SIK3: variants seen among roughly 807,000 people sequenced by gnomAD.
SIK3 encodes SIK family kinase 3, also known as serine/threonine-protein kinase SIK3.
In SIK3, 28 loss-of-function variants were observed where a neutral mutation model predicts 144.2. That is an observed-to-expected ratio of 0.19 (90% CI 0.14 to 0.27). The LOEUF is 0.27. Among genes scored for constraint, SIK3 ranks in the 10% least tolerant of loss-of-function variants. The pLI is 1.00. For missense variants in SIK3, 1,319 were observed against 1,776.0 expected (o/e 0.74, Z 4.62); for synonymous variants, 686 against 676.3 (o/e 1.01, Z -0.22).
At chr11:117,022,870 T>C (rs935433494) in intron 1 of SIK3, among the ~76,000 whole-genome samples, 5 of 151,354 alleles carry the variant, frequency 3.3e-5, no homozygotes, top group African/African-American at 1.2e-4. Flanking sequence ...AAGTAACTAA[T>C]ATTGTAAGTG....
intron 1 of SIK3, among the ~76,000 whole-genome samples, chr11:117,023,350 G>A (rs534250850): frequency 6.0e-5 from 9 of 151,162 alleles, no homozygotes; most frequent in African/African-American, 2.2e-4. Flanking sequence ...TCCCTTCCCC[G>A]AGTTTTCATT....
rs57524562 is a variant in SIK3 at position 117,031,687 on chromosome 11, ATTTTTTTTTTTT to A, written c.273+66444_273+66455del. On this transcript the variant is annotated intron_variant, in intron 1 of 24. Transcript: ENST00000445177. ...TGGCATGTACCACCACACCCGGCTAATTTTTTTTTTTTTTTTTTTTTTTTTTTGTATATTTAG... is the reference window on the plus strand; with the variant it reads ...TGGCATGTACCACCACACCCGGCTAATTTTTTTTTTTTTTTGTATATTTAG... 1.2e-4 allele frequency among the ~76,000 whole-genome samples: 10 copies of A among 81,532 alleles called. No individual in the cohort carries two copies. In the East Asian group the frequency reaches 1.5e-3, roughly 12 times the overall value. The allele number at this position is 81,532 out of a possible 152,430, so 53.5% of individuals were successfully genotyped here.
intron 4 of SIK3, among the ~76,000 whole-genome samples, chr11:116,925,978 T>A (rs1947253674): frequency 6.6e-6 from 1 of 152,188 alleles, no homozygotes; most frequent in South Asian, 2.1e-4. Flanking sequence ...AGCTAGGTGA[T>A]GCTCCAGGAT....
chr11:117,033,270 A>G (rs1041789338), intron 1 of SIK3, among the ~76,000 whole-genome samples: 29 of 152,232 alleles, frequency 1.9e-4, no homozygotes, highest in Admixed American at 6.5e-4. Context: ...CAGTGACAAT[A>G]TAAGTGAGCT....
chr11:116,905,318 G>A (rs1158909875), intron 4 of SIK3, among the ~76,000 whole-genome samples: 3 of 152,152 alleles, frequency 2.0e-5, no homozygotes, highest in African/African-American at 7.2e-5. Flanking sequence ...TAACATCCAT[G>A]GTATGGACAT....
chr11:117,064,665 G>C (rs1449781892), intron 1 of SIK3, among the ~76,000 whole-genome samples: 1 of 152,076 alleles, frequency 6.6e-6, no homozygotes, highest in East Asian at 1.9e-4. Flanking sequence ...TTTTAAAAAG[G>C]CATCTTAAAA....
intron 3 of SIK3, among the ~76,000 whole-genome samples, chr11:116,946,060 G>A (rs1304569075): frequency 6.6e-6 from 1 of 152,072 alleles, no homozygotes; most frequent in East Asian, 1.9e-4. Flanking sequence ...TTCTTCATGT[G>A]CAAGGCTAAT....
chr11:116,957,640 T>A (rs917176665), intron 1 of SIK3, among the ~76,000 whole-genome samples: 4 of 152,144 alleles, frequency 2.6e-5, no homozygotes, highest in Non-Finnish European at 5.9e-5. Context: ...GGGCCAGGCA[T>A]AACTCTTAGT....
chr11:116,871,494 A>G (rs919070066), intron 13 of SIK3, among the ~76,000 whole-genome samples: 7 of 152,226 alleles, frequency 4.6e-5, no homozygotes, highest in African/African-American at 1.7e-4. Context: ...ACAGTGGTGA[A>G]TCACTAAAGG....
chr11:117,002,412 C>G (rs1162778371), intron 1 of SIK3, among the ~76,000 whole-genome samples: 17 of 135,540 alleles, frequency 1.3e-4, no homozygotes, highest in Admixed American at 1.2e-3. Context: ...CCTTAAGGGA[C>G]AGCCCTTAAG....
At chr11:116,911,500 C>G (rs1946344381) in intron 4 of SIK3, among the ~76,000 whole-genome samples, 1 of 151,002 alleles carries the variant, frequency 6.6e-6, no homozygotes, top group South Asian at 2.1e-4. Context: ...CAGAGCCAGA[C>G]TCTGTCTCAA....
intron 1 of SIK3, among the ~76,000 whole-genome samples, chr11:117,082,223 G>C (rs140479449): frequency 6.6e-6 from 1 of 152,276 alleles, no homozygotes; most frequent in East Asian, 1.9e-4. Context: ...CAGTTTGGAA[G>C]TTGCTCAAAA....
chr11:117,056,540 GATATAGAT>G (rs1565601219), intron 1 of SIK3, among the ~76,000 whole-genome samples: 1 of 15,966 alleles, frequency 6.3e-5, no homozygotes, highest in East Asian at 4.0e-3. Flanking sequence ...TATATAGATA[GATATAGAT>G]ATAGATATAG....
At chr11:116,920,653 C>A (rs1032874593) in intron 4 of SIK3, among the ~76,000 whole-genome samples, 1 of 152,198 alleles carries the variant, frequency 6.6e-6, no homozygotes, top group Non-Finnish European at 1.5e-5. Flanking sequence ...TCCTCTACAC[C>A]TGATCATCCA....
intron 1 of SIK3, among the ~76,000 whole-genome samples, chr11:117,004,448 C>G (rs1480283146): frequency 6.6e-6 from 1 of 151,846 alleles, no homozygotes; most frequent in Non-Finnish European, 1.5e-5. Context: ...CCCAGAAGGT[C>G]GAGGCTGCAG....
At chr11:117,023,621 A>AAAAAAATATATAT (rs754624841) in intron 1 of SIK3, among the ~76,000 whole-genome samples, 73 of 95,310 alleles carry the variant, frequency 7.7e-4, no homozygotes, top group African/African-American at 3.1e-3. Context: ...AAAAAAAAAA[A>AAAAAAATATATAT]ATATATATAT....
intron 3 of SIK3, among the ~76,000 whole-genome samples, chr11:116,937,929 G>T (rs1196239944): frequency 6.6e-6 from 1 of 152,122 alleles, no homozygotes; most frequent in African/African-American, 2.4e-5. Context: ...AGTTGGCTGG[G>T]CACGGTGGCT....
At chr11:117,095,590 T>C (rs993287427) in intron 1 of SIK3, among the ~76,000 whole-genome samples, 4 of 152,312 alleles carry the variant, frequency 2.6e-5, no homozygotes, top group Admixed American at 6.5e-5. Flanking sequence ...ATAACCTTAA[T>C]AGGCCATCGT....
intron 1 of SIK3, among the ~76,000 whole-genome samples, chr11:117,017,731 C>G (rs954785727): frequency 2.0e-5 from 3 of 152,020 alleles, no homozygotes; most frequent in African/African-American, 7.3e-5. Context: ...TGAGAAAGGT[C>G]GTATGGATTT....
Sources: gnomAD v4.1 joint callset for allele counts (sites outside exome capture counted in the v4.1 genomes callset) on GRCh38, gnomAD v4.1.1 for gene constraint, MANE v1.5 for transcripts, NCBI Gene and HGNC (gene_info 2026-07-23, HGNC 2026-07-21) for gene names.